Variants in ATP8A2 observed in about 807,000 individuals in gnomAD.
ATP8A2 encodes ATPase phospholipid transporting 8A2.
Under a neutral mutation model 165.6 loss-of-function variants are expected in ATP8A2, and 100 were observed. The observed-to-expected ratio is 0.60, with a 90% confidence interval of 0.51 to 0.71. The LOEUF is 0.71. Ranked by LOEUF, ATP8A2 falls within the 30% of genes least tolerant of loss-of-function variation. The probability of loss-of-function intolerance (pLI) is 0.00; values close to 1 mark genes in which losing one functional copy is unlikely to be tolerated. For synonymous variants in ATP8A2, 543 were observed against 548.8 expected (o/e 0.99, Z 0.15); for missense variants, 1,227 against 1,479.5 (o/e 0.83, Z 2.80).
At chr13:25,664,870 A>G (rs2137713027) in intron 24 of ATP8A2, among the ~76,000 whole-genome samples, 1 of 151,022 alleles carries the variant, frequency 6.6e-6, no homozygotes, top group African/African-American at 2.5e-5. Flanking sequence ...CTTGAATGCG[A>G]GAGAGCTTTA....
rs552527173 is a variant in ATP8A2 at position 25,817,274 on chromosome 13, C to G, written c.2680-10844C>G. 4.0e-5 allele frequency among the ~76,000 whole-genome samples: 6 copies of G among 150,758 alleles called. No homozygotes were observed. In the South Asian group the frequency reaches 1.3e-3, roughly 32 times the overall value. On this transcript the variant is annotated intron_variant, in intron 27 of 36. Transcript: ENST00000381655. ...TGACACAATTTGGAGCGATTATGTTCTATTGTGCCAAGAATTTCTTATTAA... is the reference window on the plus strand; with the variant it reads ...TGACACAATTTGGAGCGATTATGTTGTATTGTGCCAAGAATTTCTTATTAA...
chr13:25,702,003 T>A (rs1466825088), intron 25 of ATP8A2, among the ~76,000 whole-genome samples: 1 of 152,118 alleles, frequency 6.6e-6, no homozygotes, highest in African/African-American at 2.4e-5. Context: ...CTTAAGATTT[T>A]AAAAAAATCA....
At chr13:25,965,569 G>T (rs1955758122) in intron 34 of ATP8A2, among the ~76,000 whole-genome samples, 1 of 152,148 alleles carries the variant, frequency 6.6e-6, no homozygotes. Context: ...AGTTTAAATT[G>T]CCCAGAACTA....
intron 18 of ATP8A2, among the ~76,000 whole-genome samples, chr13:25,572,470 G>C (rs1174833694): frequency 1.3e-5 from 2 of 152,170 alleles, no homozygotes; most frequent in Admixed American, 1.3e-4. Context: ...GATCCCCCCT[G>C]CAACTGGAGT....
intron 33 of ATP8A2, among the ~76,000 whole-genome samples, chr13:25,899,661 G>A (rs1338940823): frequency 6.6e-6 from 1 of 152,104 alleles, no homozygotes; most frequent in Non-Finnish European, 1.5e-5. Flanking sequence ...CTGAGGACAG[G>A]GCCACAGTCA....
chr13:25,785,371 AAAT>A (rs1275494341), intron 27 of ATP8A2, among the ~76,000 whole-genome samples: 1 of 151,962 alleles, frequency 6.6e-6, no homozygotes. Context: ...CCTTCTCAAA[AAAT>A]AATAATAATA....
chr13:25,448,475 A>G (rs2138225349), intron 1 of ATP8A2, among the ~76,000 whole-genome samples: 1 of 152,296 alleles, frequency 6.6e-6, no homozygotes, highest in South Asian at 2.1e-4. Context: ...TCTAATATTT[A>G]ATCTGCCCAA....
intron 26 of ATP8A2, among the ~76,000 whole-genome samples, chr13:25,769,775 C>G (rs1384533946): frequency 6.6e-6 from 1 of 152,240 alleles, no homozygotes; most frequent in South Asian, 2.1e-4. Context: ...GCCAAGAGCA[C>G]GAGCTGGGTT....
chr13:25,976,572 G>T (rs1212059180), intron 35 of ATP8A2, among the ~76,000 whole-genome samples: 1 of 142,486 alleles, frequency 7.0e-6, no homozygotes, highest in African/African-American at 2.4e-5. Flanking sequence ...GATGAAAAGG[G>T]TCACAGTCTG....
intron 2 of ATP8A2, among the ~76,000 whole-genome samples, chr13:25,478,698 A>G (rs1322642084): frequency 6.6e-6 from 1 of 152,188 alleles, no homozygotes; most frequent in Non-Finnish European, 1.5e-5. Flanking sequence ...TCTTCAGTCT[A>G]CGTATAACAT....
intron 27 of ATP8A2, among the ~76,000 whole-genome samples, chr13:25,800,745 T>A (rs575095375): frequency 6.8e-6 from 1 of 146,852 alleles, no homozygotes; most frequent in East Asian, 2.0e-4. Context: ...GCAGCCTGCC[T>A]CCTTGTCTCC....
At chr13:26,000,894 C>A (rs1375769977) in intron 35 of ATP8A2, among the ~76,000 whole-genome samples, 2 of 152,044 alleles carry the variant, frequency 1.3e-5, no homozygotes, top group African/African-American at 4.8e-5. Flanking sequence ...CATAGCATAA[C>A]ATTTACTATT....
intron 25 of ATP8A2, among the ~76,000 whole-genome samples, chr13:25,736,158 G>A (rs1004155443): frequency 1.3e-5 from 2 of 152,098 alleles, no homozygotes; most frequent in Non-Finnish European, 2.9e-5. Flanking sequence ...TATACCATCT[G>A]GGTTTGTGTA....
intron 24 of ATP8A2, among the ~76,000 whole-genome samples, chr13:25,639,123 G>GAAAA: frequency 6.6e-6 from 1 of 151,720 alleles, no homozygotes; most frequent in African/African-American, 2.4e-5. Context: ...ACATGGAAAG[G>GAAAA]ACCAGTACCA....
At chr13:25,952,026 C>T (rs980287620) in intron 33 of ATP8A2, among the ~76,000 whole-genome samples, 2 of 152,118 alleles carry the variant, frequency 1.3e-5, no homozygotes, top group Non-Finnish European at 2.9e-5. Context: ...GTTATTTAAA[C>T]ATTGGGATCG....
At chr13:25,566,676 G>T (rs929440519) in intron 16 of ATP8A2, among the ~76,000 whole-genome samples, 1 of 152,182 alleles carries the variant, frequency 6.6e-6, no homozygotes, top group Non-Finnish European at 1.5e-5. Context: ...CCAGTAATGG[G>T]CTAGGAATAG....
At chr13:25,970,599 C>G (rs1955890507) in intron 35 of ATP8A2, among the ~76,000 whole-genome samples, 1 of 152,218 alleles carries the variant, frequency 6.6e-6, no homozygotes, top group African/African-American at 2.4e-5. Flanking sequence ...TTCATATGAT[C>G]AGATTGTCTC....
chr13:25,562,895 G>A (rs947495291), intron 15 of ATP8A2, among the ~76,000 whole-genome samples: 1 of 152,174 alleles, frequency 6.6e-6, no homozygotes, highest in Non-Finnish European at 1.5e-5. Context: ...GGATGTGGAA[G>A]CTGTGCTGTC....
At chr13:25,935,908 G>A (rs1209434088) in intron 33 of ATP8A2, among the ~76,000 whole-genome samples, 4 of 152,228 alleles carry the variant, frequency 2.6e-5, no homozygotes, top group Non-Finnish European at 5.9e-5. Flanking sequence ...TTAGGCTTGA[G>A]TTGCAGGTAA....
Sources: gnomAD v4.1 joint callset for allele counts (sites outside exome capture counted in the v4.1 genomes callset) on GRCh38, gnomAD v4.1.1 for gene constraint, MANE v1.5 for transcripts, NCBI Gene and HGNC (gene_info 2026-07-23, HGNC 2026-07-21) for gene names.